The following AGMO variants were observed in gnomAD, a reference collection of about 807,000 sequenced individuals.
The protein encoded by AGMO is alkylglycerol monooxygenase.
AGMO carries 75 observed loss-of-function variants against 60.2 expected under a neutral mutation model. The ratio of observed to expected loss-of-function variants is 1.25; its 90% CI spans 1.03 to 1.51. AGMO has a LOEUF of 1.51. Among genes scored for constraint, AGMO ranks in the 40% most tolerant of loss-of-function variants. AGMO has a pLI of 0.00. For synonymous variants in AGMO, 261 were observed against 177.1 expected (o/e 1.47, Z -3.76); for missense variants, 763 against 525.5 (o/e 1.45, Z -4.42).
At chr7:15,430,325 T>A (rs1255688544) in intron 4 of AGMO, among the ~76,000 whole-genome samples, 2 of 151,818 alleles carry the variant, frequency 1.3e-5, no homozygotes. Context: ...ACTTTCTAGC[T>A]CACTGTTCAA....
chr7:15,117,271 G>A, the AGMO span, among the ~76,000 whole-genome samples: 1 of 152,008 alleles, frequency 6.6e-6, no homozygotes. Flanking sequence ...AAGGCTTGGG[G>A]ATGATAGGAG....
At position 15,201,373 on chromosome 7, in the gene AGMO, A is replaced by G. The variant is rs763484698; in HGVS notation, c.1264-14T>C. ...GGAAAAAACAATCTGAAGAAATAAA[A>G]CACAAAGAGAAAAAAAAATTAGAAG... On this transcript the variant is annotated splice_polypyrimidine_tract_variant and intron_variant, in intron 12 of 12. Coordinates refer to ENST00000342526, the MANE Select transcript of AGMO (RefSeq NM_001004320.2). The G allele has an allele frequency of 8.1e-6, 13 of 1,598,936 alleles. No individual in the cohort carries two copies. In the East Asian group the frequency reaches 2.5e-4, roughly 30 times the overall value.
intron 10 of AGMO, among the ~76,000 whole-genome samples, chr7:15,378,263 G>A (rs1039865277): frequency 1.3e-5 from 2 of 151,940 alleles, no homozygotes; most frequent in Admixed American, 1.3e-4. Flanking sequence ...TAAAATTTGG[G>A]TTCCTATATG....
chr7:15,192,309 C>T, the AGMO span, among the ~76,000 whole-genome samples: 1 of 151,754 alleles, frequency 6.6e-6, no homozygotes, highest in Non-Finnish European at 1.5e-5. Context: ...CCAGGCTCCA[C>T]AAGCAAAAGA....
intron 3 of AGMO, among the ~76,000 whole-genome samples, chr7:15,511,546 A>G (rs75664420): frequency 0.015 from 2,307 of 152,194 alleles, 59 homozygotes; most frequent in African/African-American, 0.052. Context: ...TAAGATGGAT[A>G]AGTTCAGGAG....
intron 3 of AGMO, among the ~76,000 whole-genome samples, chr7:15,523,201 T>C (rs768133608): frequency 6.6e-6 from 1 of 152,198 alleles, no homozygotes; most frequent in Non-Finnish European, 1.5e-5. Context: ...GGAGAGGATG[T>C]GGAGAAATAG....
intron 12 of AGMO, among the ~76,000 whole-genome samples, chr7:15,214,346 A>C (rs1781675131): frequency 6.6e-6 from 1 of 152,058 alleles, no homozygotes; most frequent in African/African-American, 2.4e-5. Flanking sequence ...CTCATGGCTA[A>C]GTAAAAGCAA....
chr7:15,444,240 A>G (rs1005796472), intron 3 of AGMO, among the ~76,000 whole-genome samples: 1 of 152,204 alleles, frequency 6.6e-6, no homozygotes, highest in Admixed American at 6.5e-5. Context: ...TGCTAAATAC[A>G]TGTATTTTTG....
At chr7:15,295,926 T>C (rs2128523892) in intron 12 of AGMO, among the ~76,000 whole-genome samples, 1 of 152,296 alleles carries the variant, frequency 6.6e-6, no homozygotes, top group South Asian at 2.1e-4. Context: ...ACACATATTT[T>C]CCGTGGTCAT....
intron 5 of AGMO, among the ~76,000 whole-genome samples, chr7:15,409,321 T>G (rs1386947550): frequency 7.9e-5 from 12 of 151,968 alleles, no homozygotes; most frequent in Non-Finnish European, 1.8e-4. Context: ...CAGTTCTTTG[T>G]GAACTCTGCT....
intron 12 of AGMO, among the ~76,000 whole-genome samples, chr7:15,292,906 C>T (rs1181676425): frequency 2.6e-5 from 4 of 151,492 alleles, no homozygotes; most frequent in African/African-American, 9.7e-5. Context: ...TACAAGCACC[C>T]GCCACCAAAT....
At chr7:15,322,499 TATATAAATATATATATAAATA>T (rs1781149621) in intron 12 of AGMO, among the ~76,000 whole-genome samples, 2 of 80,744 alleles carry the variant, frequency 2.5e-5, no homozygotes, top group South Asian at 8.7e-4. Context: ...TATATATAAA[TATATAAATATATATATAAATA>T]TATATAAATA....
chr7:15,161,582 T>C, the AGMO span, among the ~76,000 whole-genome samples: 1 of 151,562 alleles, frequency 6.6e-6, no homozygotes, highest in Non-Finnish European at 1.5e-5. Context: ...CATATATGTG[T>C]ATATATACAT....
intron 8 of AGMO, 21 bp from the exon 9 acceptor site, chr7:15,387,561 G>C: frequency 2.3e-5 from 36 of 1,577,236 alleles, no homozygotes; most frequent in Non-Finnish European, 3.1e-5. Flanking sequence ...TAAAAAAAGA[G>C]CTTATTTCAC....
At chr7:15,158,488 C>T in the AGMO span, among the ~76,000 whole-genome samples, 1 of 152,220 alleles carries the variant, frequency 6.6e-6, no homozygotes, top group Non-Finnish European at 1.5e-5. Flanking sequence ...AAAAATATTT[C>T]ACCTCAACTT....
chr7:15,252,143 A>G (rs1423482097), intron 12 of AGMO, among the ~76,000 whole-genome samples: 1 of 152,206 alleles, frequency 6.6e-6, no homozygotes. Context: ...TAACTCATTT[A>G]CCTACAATAA....
intron 5 of AGMO, among the ~76,000 whole-genome samples, chr7:15,403,818 C>G (rs59644980): frequency 0.1 from 15,925 of 151,886 alleles, 1,279 homozygotes; most frequent in African/African-American, 0.22. Context: ...TGTGTTAATT[C>G]AAGACAACCA....
intron 12 of AGMO, among the ~76,000 whole-genome samples, chr7:15,302,405 T>A (rs1425421558): frequency 6.6e-6 from 1 of 152,140 alleles, no homozygotes; most frequent in Non-Finnish European, 1.5e-5. Context: ...AAAGTTGGGG[T>A]CTAATAAAGT....
chr7:15,387,922 C>T (rs1298102690), intron 8 of AGMO, among the ~76,000 whole-genome samples: 49 of 71,532 alleles, frequency 6.9e-4, no homozygotes, highest in Admixed American at 1.1e-3. Flanking sequence ...TTTTTTTTTT[C>T]CCCAAGACAG....
Sources: allele counts gnomAD v4.1 joint callset (sites outside exome capture counted in the v4.1 genomes callset), GRCh38; gene constraint gnomAD v4.1.1; transcripts MANE v1.5; gene names NCBI Gene and HGNC (gene_info 2026-07-23, HGNC 2026-07-21).